The following NTM variants were observed in gnomAD, a reference collection of about 807,000 sequenced individuals.
NTM encodes neurotrimin, also known as IgLON family member 2.
In NTM, 13 loss-of-function variants were observed where a neutral mutation model predicts 42.1. That is an observed-to-expected ratio of 0.31 (90% CI 0.20 to 0.49). The LOEUF (loss-of-function observed/expected upper bound fraction) is 0.49. Ranked by LOEUF, NTM falls within the 20% of genes least tolerant of loss-of-function variation. The pLI is 0.99. For synonymous variants in NTM, 187 were observed against 179.2 expected (o/e 1.04, Z -0.35); for missense variants, 373 against 452.8 (o/e 0.82, Z 1.60).
At chr11:132,283,485 A>G (rs925627071) in intron 4 of NTM, among the ~76,000 whole-genome samples, 4 of 152,190 alleles carry the variant, frequency 2.6e-5, no homozygotes, top group Non-Finnish European at 5.9e-5. Flanking sequence ...GTCTTTGTCA[A>G]GTAAGACAAT....
At position 131,927,780 on chromosome 11, in the gene NTM, G is replaced by A. The variant is rs974976269; in HGVS notation, c.167+16132G>A. Reference sequence around the variant, plus strand: ...AGACATAAAATCACAGAGCCCTGTGGTAGCATCAGAGATGGGGTCACACAT... The same window carrying A: ...AGACATAAAATCACAGAGCCCTGTGATAGCATCAGAGATGGGGTCACACAT... On this transcript the variant is annotated intron_variant, in intron 2 of 8. Coordinates refer to ENST00000683400, the MANE Select transcript of NTM (RefSeq NM_001352005.2). 2.0e-5 allele frequency among the ~76,000 whole-genome samples: 3 copies of A among 152,174 alleles called. No homozygotes were observed. The East Asian group carries it at 5.8e-4, about 29-fold the overall frequency.
At chr11:132,129,952 C>A (rs1165233851) in intron 2 of NTM, among the ~76,000 whole-genome samples, 6 of 152,202 alleles carry the variant, frequency 3.9e-5, no homozygotes, top group African/African-American at 1.4e-4. Context: ...TTGAGAACAA[C>A]CTCAACTCCT....
chr11:131,424,542 G>T, intron 1 of NTM, among the ~76,000 whole-genome samples: 1 of 148,696 alleles, frequency 6.7e-6, no homozygotes, highest in Non-Finnish European at 1.5e-5. Context: ...GCAGGAGCAT[G>T]CTGATAAGTT....
chr11:131,756,504 A>AT (rs2083354044), intron 1 of NTM, among the ~76,000 whole-genome samples: 2 of 151,232 alleles, frequency 1.3e-5, no homozygotes, highest in Non-Finnish European at 2.9e-5. Context: ...AGCCTGGGCA[A>AT]CAGAGTGAGA....
chr11:131,772,900 A>T (rs2086343867), intron 1 of NTM, among the ~76,000 whole-genome samples: 1 of 152,212 alleles, frequency 6.6e-6, no homozygotes, highest in Admixed American at 6.5e-5. Context: ...GGAAGGCATT[A>T]TCTGAGGTGA....
chr11:131,547,112 T>A (rs762757335), intron 1 of NTM, among the ~76,000 whole-genome samples: 2 of 152,196 alleles, frequency 1.3e-5, no homozygotes, highest in African/African-American at 2.4e-5. Context: ...ATTTTATTGA[T>A]GTTATTTCAG....
chr11:131,828,582 T>G (rs759190746), intron 1 of NTM, among the ~76,000 whole-genome samples: 1 of 152,036 alleles, frequency 6.6e-6, no homozygotes, highest in Non-Finnish European at 1.5e-5. Flanking sequence ...ACCTTCACAG[T>G]CATCACGAAC....
At chr11:131,683,125 C>T (rs2073260341) in intron 1 of NTM, among the ~76,000 whole-genome samples, 1 of 152,186 alleles carries the variant, frequency 6.6e-6, no homozygotes, top group South Asian at 2.1e-4. Flanking sequence ...CCTCTAAAAC[C>T]GAAGCTTCCC....
At chr11:132,123,765 A>T (rs764734778) in intron 2 of NTM, among the ~76,000 whole-genome samples, 1 of 152,202 alleles carries the variant, frequency 6.6e-6, no homozygotes, top group Non-Finnish European at 1.5e-5. Context: ...GGACCAGCCC[A>T]GGAGAGTCCA....
intron 2 of NTM, among the ~76,000 whole-genome samples, chr11:131,995,235 C>T (rs567698225): frequency 6.6e-6 from 1 of 152,266 alleles, no homozygotes; most frequent in East Asian, 1.9e-4. Context: ...TCAATCTAGG[C>T]CTATTCAGCA....
intron 1 of NTM, among the ~76,000 whole-genome samples, chr11:131,901,466 C>T (rs1329889164): frequency 6.6e-6 from 1 of 152,148 alleles, no homozygotes; most frequent in Admixed American, 6.6e-5. Context: ...CTTAAGGGAA[C>T]CTAATGTCTT....
At chr11:131,937,105 CCT>C (rs2059304685) in intron 2 of NTM, among the ~76,000 whole-genome samples, 2 of 152,086 alleles carry the variant, frequency 1.3e-5, no homozygotes, top group African/African-American at 4.8e-5. Context: ...GAAATTATTC[CCT>C]GTCTGTATTG....
intron 1 of NTM, among the ~76,000 whole-genome samples, chr11:131,552,873 A>C (rs759985464): frequency 2.6e-5 from 4 of 152,192 alleles, no homozygotes; most frequent in Admixed American, 6.5e-5. Context: ...TCCATCATAG[A>C]ATGAAGACAG....
At chr11:132,127,402 C>G (rs886446257) in intron 2 of NTM, among the ~76,000 whole-genome samples, 10 of 152,242 alleles carry the variant, frequency 6.6e-5, no homozygotes, top group African/African-American at 2.4e-4. Flanking sequence ...AGAGAGGGAT[C>G]TGCAGTGTGG....
chr11:132,319,487 G>T (rs1386762017), intron 7 of NTM, among the ~76,000 whole-genome samples: 1 of 152,218 alleles, frequency 6.6e-6, no homozygotes, highest in African/African-American at 2.4e-5. Flanking sequence ...CACCTGGCTT[G>T]GAGGGTCCTA....
intron 1 of NTM, among the ~76,000 whole-genome samples, chr11:131,738,954 T>C (rs1349448333): frequency 1.3e-5 from 2 of 152,180 alleles, no homozygotes; most frequent in African/African-American, 4.8e-5. Context: ...CTATGGTCTC[T>C]TGGATTGAAC....
At chr11:131,893,689 C>A (rs921418032) in intron 1 of NTM, among the ~76,000 whole-genome samples, 1 of 152,136 alleles carries the variant, frequency 6.6e-6, no homozygotes, top group Admixed American at 6.5e-5. Context: ...GTAATCAAGC[C>A]CCTTACAGCA....
At chr11:132,001,115 G>A (rs903574477) in intron 2 of NTM, among the ~76,000 whole-genome samples, 20 of 152,144 alleles carry the variant, frequency 1.3e-4, no homozygotes, top group Non-Finnish European at 1.5e-5. Flanking sequence ...TTTGCAGGTT[G>A]CAAAACATGA....
intron 2 of NTM, among the ~76,000 whole-genome samples, chr11:131,990,441 A>C (rs542291617): frequency 1.3e-5 from 2 of 151,992 alleles, no homozygotes; most frequent in African/African-American, 4.8e-5. Context: ...CTCACTGTAC[A>C]TGGGTATAAT....
Sources: allele counts gnomAD v4.1 joint callset (sites outside exome capture counted in the v4.1 genomes callset), GRCh38; gene constraint gnomAD v4.1.1; transcripts MANE v1.5; gene names NCBI Gene and HGNC (gene_info 2026-07-23, HGNC 2026-07-21).